DLGAP5: variants seen among roughly 807,000 people sequenced by gnomAD.
DLGAP5 encodes the protein DLG associated protein 5.
A neutral mutation model predicts 99.6 loss-of-function variants in DLGAP5; 90 were observed. The observed-to-expected ratio is 0.90, with a 90% CI of 0.76 to 1.08. The LOEUF is 1.08. Among genes scored for constraint, DLGAP5 ranks in the 50% least tolerant of loss-of-function variants. The probability of loss-of-function intolerance (pLI) is 0.00; values close to 1 mark genes in which losing one functional copy is unlikely to be tolerated. For missense variants in DLGAP5, 1,036 were observed against 983.5 expected (o/e 1.05, Z -0.71); for synonymous variants, 311 against 321.3 (o/e 0.97, Z 0.34).
chr14:55,167,896 G>A (rs1882700302), intron 12 of DLGAP5, among the ~76,000 whole-genome samples: 1 of 152,132 alleles, frequency 6.6e-6, no homozygotes, highest in South Asian at 2.1e-4. Flanking sequence ...TTATCCCAGA[G>A]TTACATAACA....
chr14:55,168,009 T>C (rs1055904662), intron 12 of DLGAP5, among the ~76,000 whole-genome samples: 5 of 152,190 alleles, frequency 3.3e-5, no homozygotes. Flanking sequence ...GTTCTCTTTT[T>C]CTGGAATTCC....
In DLGAP5 at chr14:55,158,646, C is replaced by T; in HGVS notation, c.1749G>A (p.Met583Ile). 6.2e-7 allele frequency: 1 copy of T among 1,614,110 alleles called. No individual in the cohort carries two copies. Among genetic ancestry groups the T allele is most frequent in the Non-Finnish European group, 8.5e-7 (1 of 1,179,980 alleles). ...ATTCTTCCTGCCTAATTCTCTCTCT[C>T]ATTGCATTTTTTATGGCAGCTAGGC... ...RNRLAAIKNA[M>I]RERIRQEECA... Residue 583 changes from methionine (M) to isoleucine (I), a missense_variant, in exon 14 of 19, where the codon ATG becomes ATA. Met to Ile is a conservative substitution (Grantham distance 10). Coordinates refer to ENST00000247191, the MANE Select transcript of DLGAP5 (RefSeq NM_014750.5).
intron 12 of DLGAP5, among the ~76,000 whole-genome samples, chr14:55,164,835 T>C (rs965027679): frequency 2.0e-5 from 3 of 151,212 alleles, no homozygotes; most frequent in Admixed American, 6.6e-5. Context: ...GGCATGAGAA[T>C]TGCTTGAACC....
Position 55,177,189 on chromosome 14 carries a change from C to T in DLGAP5, c.922G>A (p.Ala308Thr). The T allele has an allele frequency of 1.2e-6, 2 of 1,613,570 alleles. No homozygotes were observed. Among genetic ancestry groups the T allele is most frequent in the Non-Finnish European group, 8.5e-7 (1 of 1,179,866 alleles). Reference sequence around the variant, plus strand: ...GGCTGAAACATAAAATCCTTAGGTGCAAAGGAATTCTTCCCTTTTATTTTT... The same window carrying T: ...GGCTGAAACATAAAATCCTTAGGTGTAAAGGAATTCTTCCCTTTTATTTTT... Reference protein sequence around the residue: ...TAKIKGKNSFAPKDFMFQPLD... With the variant: ...TAKIKGKNSFTPKDFMFQPLD... The change falls in exon 8 of 19, where the codon GCA becomes ACA. Residue 308 changes from alanine (A) to threonine (T), a missense_variant. By Grantham distance (58) the Ala-to-Thr change is moderately conservative. Coordinates refer to ENST00000247191, the MANE Select transcript of DLGAP5 (RefSeq NM_014750.5).
chr14:55,162,321 A>G (rs1001332663), intron 13 of DLGAP5, among the ~76,000 whole-genome samples: 2 of 152,160 alleles, frequency 1.3e-5, no homozygotes, highest in Non-Finnish European at 2.9e-5. Flanking sequence ...AGTACAGTTT[A>G]AAGAATAAAA....
chr14:55,172,214 T>G (rs1882884470), intron 10 of DLGAP5, among the ~76,000 whole-genome samples: 3 of 150,638 alleles, frequency 2.0e-5, no homozygotes, highest in Admixed American at 2.0e-4. Context: ...CCAGACTCAG[T>G]GGCTCATGCC....
intron 12 of DLGAP5, among the ~76,000 whole-genome samples, chr14:55,164,752 T>A (rs1022502371): frequency 2.6e-5 from 4 of 151,728 alleles, no homozygotes; most frequent in African/African-American, 9.7e-5. Context: ...TGAAACCTCA[T>A]CTCTACTAAA....
chr14:55,174,250 A>ATTAGGAAGAGGAAATTC (rs1882977491), intron 10 of DLGAP5, among the ~76,000 whole-genome samples: 1 of 152,226 alleles, frequency 6.6e-6, no homozygotes, highest in Non-Finnish European at 1.5e-5. Context: ...TCCCAGGCTT[A>ATTAGGAAGAGGAAATTC]TTAGGAAGAG....
In DLGAP5 at chr14:55,148,458, T is replaced by A. The variant is rs760893018; in HGVS notation, c.2434A>T (p.Ser812Cys). ...CTCTCCAGCTGAGTAAATGGATTACTGCAGTTTAGACCTGGCTGGAGAACA... is the reference window on the plus strand; with the variant it reads ...CTCTCCAGCTGAGTAAATGGATTACAGCAGTTTAGACCTGGCTGGAGAACA... ...HLLDSPGLNC[S>C]NPFTQLERRH... Residue 812 changes from serine to cysteine, a missense_variant, in exon 19 of 19, where the codon AGT becomes TGT. Ser to Cys is a moderately radical substitution (Grantham distance 112). Coordinates refer to ENST00000247191, the MANE Select transcript of DLGAP5 (RefSeq NM_014750.5). 4.0e-5 allele frequency: 64 copies of A among 1,614,036 alleles called. No homozygotes were observed. The highest frequency in any genetic ancestry group is 5.3e-5 in the Non-Finnish European group (63 of 1,180,028).
At chr14:55,152,067 A>G (rs1882038403) in intron 16 of DLGAP5, 126 bp from the exon 17 acceptor site, 1 of 852,578 alleles carries the variant, frequency 1.2e-6, no homozygotes, top group South Asian at 1.9e-5. Flanking sequence ...TCTTAAGAAC[A>G]TTATAAATCC....
chr14:55,181,234 C>A lies in DLGAP5; in HGVS notation c.559G>T (p.Val187Leu). 3 of 1,614,048 alleles carry A rather than the reference C, an allele frequency of 1.9e-6. No individual in the cohort carries two copies. Among genetic ancestry groups the A allele is most frequent in the Non-Finnish European group, 2.5e-6 (3 of 1,179,978 alleles). ...CTACCTTTTTTCTCTTTGTCTGACA[C>A]TTTCTTTTCAGAAGTTTGTCTTGGA... The part of the protein sequence containing the change: ...PGPRQTSEKK[V>L]SDKEKKVVQP... Residue 187 changes from valine (V) to leucine (L), a missense_variant, in exon 5 of 19, where the codon GTG becomes TTG. Transcript: ENST00000247191.
chr14:55,171,610 T>C (rs1002361337), intron 10 of DLGAP5, among the ~76,000 whole-genome samples: 2 of 152,192 alleles, frequency 1.3e-5, no homozygotes, highest in Non-Finnish European at 2.9e-5. Flanking sequence ...CCAGCAATTC[T>C]ACTTCTGGGT....
intron 14 of DLGAP5, among the ~76,000 whole-genome samples, chr14:55,157,056 T>C (rs1036984573): frequency 6.6e-6 from 1 of 152,228 alleles, no homozygotes; most frequent in African/African-American, 2.4e-5. Flanking sequence ...AAGACTCCAG[T>C]AAGTCCAAAA....
At chr14:55,174,736 G>A (rs1471759366) in intron 10 of DLGAP5, among the ~76,000 whole-genome samples, 1 of 151,502 alleles carries the variant, frequency 6.6e-6, no homozygotes, top group African/African-American at 2.4e-5. Flanking sequence ...CTGTTGCCAG[G>A]CTGGAGTGCA....
At chr14:55,160,940 G>T (rs947319043) in intron 13 of DLGAP5, among the ~76,000 whole-genome samples, 2 of 150,852 alleles carry the variant, frequency 1.3e-5, no homozygotes, top group Non-Finnish European at 2.9e-5. Context: ...AAAAATGGGG[G>T]TGTACAAGTA....
At chr14:55,184,788 C>G (rs1301791750) in intron 2 of DLGAP5, among the ~76,000 whole-genome samples, 6 of 152,194 alleles carry the variant, frequency 3.9e-5, no homozygotes, top group Non-Finnish European at 8.8e-5. Flanking sequence ...ATCTTGGAGG[C>G]AGATCCTCCA....
intron 12 of DLGAP5, among the ~76,000 whole-genome samples, chr14:55,164,351 A>C (rs888415895): frequency 6.6e-6 from 1 of 152,204 alleles, no homozygotes; most frequent in Non-Finnish European, 1.5e-5. Context: ...AATTACACTC[A>C]TGACCAACTG....
Position 55,177,288 on chromosome 14 carries a change from T to C in DLGAP5, c.823A>G (p.Thr275Ala), listed in dbSNP as rs759735440. 6.2e-6 allele frequency: 10 copies of C among 1,609,296 alleles called. No individual in the cohort carries two copies. Among genetic ancestry groups the C allele is most frequent in the Non-Finnish European group, 7.6e-6 (9 of 1,178,640 alleles). The change falls in exon 8 of 19, where the codon ACT becomes GCT. Residue 275 changes from threonine (T) to alanine (A), a missense_variant. By Grantham distance (58) the Thr-to-Ala change is moderately conservative. Coordinates refer to ENST00000247191, the MANE Select transcript of DLGAP5 (RefSeq NM_014750.5). Reference sequence around the variant, plus strand: ...GGATTCATTCCACTTGTTGCATTAGTTTGTGAATTCAAAGTATTTTCTTCA... The same window carrying C: ...GGATTCATTCCACTTGTTGCATTAGCTTGTGAATTCAAAGTATTTTCTTCA... The part of the protein sequence containing the change: ...DSEENTLNSQ[T>A]NATSGMNPDG...
intron 3 of DLGAP5, among the ~76,000 whole-genome samples, chr14:55,183,147 A>G (rs1883327593): frequency 6.6e-6 from 1 of 152,020 alleles, no homozygotes. Context: ...GCCCCTTTCC[A>G]TCTATTCTAT....
Sources: gnomAD v4.1 joint callset for allele counts (sites outside exome capture counted in the v4.1 genomes callset) on GRCh38, gnomAD v4.1.1 for gene constraint, MANE v1.5 for transcripts, NCBI Gene and HGNC (gene_info 2026-07-23, HGNC 2026-07-21) for gene names.